TNKS2: variants seen among roughly 807,000 people sequenced by gnomAD.
TNKS2 encodes the protein poly [ADP-ribose] polymerase tankyrase-2.
Under a neutral mutation model 137.6 loss-of-function variants are expected in TNKS2, and 72 were observed. The ratio of observed to expected loss-of-function variants is 0.52; its 90% CI spans 0.43 to 0.64. TNKS2 has a LOEUF of 0.64. Ranked by LOEUF, TNKS2 falls within the 30% of genes least tolerant of loss-of-function variation. TNKS2 has a pLI of 0.00. For missense variants in TNKS2, 1,049 were observed against 1,410.2 expected, an observed-to-expected ratio of 0.74 and a Z score of 4.10; for synonymous variants, 516 against 512.1, an observed-to-expected ratio of 1.01 and a Z score of -0.10.
At chr10:91,833,010 C>T (rs1841869934) in intron 11 of TNKS2, among the ~76,000 whole-genome samples, 1 of 152,070 alleles carries the variant, frequency 6.6e-6, no homozygotes, top group African/African-American at 2.4e-5. Context: ...TAAATACTTC[C>T]ACATGCACAT....
At position 91,801,714 on chromosome 10, in the gene TNKS2, C is replaced by T. The variant is rs564508758; in HGVS notation, c.199+2825C>T. 4.0e-3 allele frequency among the ~76,000 whole-genome samples: 609 copies of T among 152,232 alleles called. 5 individuals carry two copies. The highest frequency in any genetic ancestry group is 0.013 in the African/African-American group (554 of 41,524). Reference sequence around the variant, plus strand: ...GTCTCAAACTCCTGATCTCGTGATCCGCCTGCCTCGGCCTCCCAAAGTGCT... The same window carrying T: ...GTCTCAAACTCCTGATCTCGTGATCTGCCTGCCTCGGCCTCCCAAAGTGCT... On this transcript the variant is annotated intron_variant, in intron 1 of 26. Transcript: ENST00000371627.
intron 13 of TNKS2, among the ~76,000 whole-genome samples, chr10:91,838,036 A>ATTTTTT (rs71025367): frequency 2.5e-4 from 13 of 51,232 alleles, no homozygotes; most frequent in East Asian, 1.6e-3. Flanking sequence ...CAATTAGCTG[A>ATTTTTT]TTTTTTTTTT....
intron 1 of TNKS2, among the ~76,000 whole-genome samples, chr10:91,804,761 G>A (rs889039170): frequency 1.3e-5 from 2 of 152,098 alleles, no homozygotes; most frequent in East Asian, 1.9e-4. Context: ...TTTTTTGGGG[G>A]TTGTGGGGGT....
At chr10:91,816,906 A>T (rs1447892428) in intron 2 of TNKS2, among the ~76,000 whole-genome samples, 1 of 152,202 alleles carries the variant, frequency 6.6e-6, no homozygotes, top group Non-Finnish European at 1.5e-5. Flanking sequence ...GAAAATCTGC[A>T]TTGAACTGAG....
At chr10:91,844,204 C>T (rs1772185) in intron 16 of TNKS2, among the ~76,000 whole-genome samples, 106,351 of 152,150 alleles carry the variant, frequency 0.7, 38,366 homozygotes, top group East Asian at 0.91. Context: ...ACTTCTGCAG[C>T]GTTAAATACC....
Position 91,822,278 on chromosome 10 carries a change from C to T in TNKS2, c.729-18C>T. On this transcript the variant is annotated intron_variant, in intron 6 of 26. Coordinates refer to ENST00000371627, the MANE Select transcript of TNKS2 (RefSeq NM_025235.4). Reference sequence around the variant, plus strand: ...AAATCTATACTGAAACAGGATTTTCCCCCCCTTCTCATTGTAGTGATCTGG... The same window carrying T: ...AAATCTATACTGAAACAGGATTTTCTCCCCCTTCTCATTGTAGTGATCTGG... 2.5e-6 allele frequency: 4 copies of T among 1,594,928 alleles called. No homozygotes were observed. The highest frequency in any genetic ancestry group is 1.2e-5 in the South Asian group (1 of 86,428).
chr10:91,856,083 C>G (rs1337163830), intron 23 of TNKS2, among the ~76,000 whole-genome samples: 1 of 152,058 alleles, frequency 6.6e-6, no homozygotes, highest in African/African-American at 2.4e-5. Flanking sequence ...CTACAGGTTT[C>G]TGAAAGTCCC....
intron 1 of TNKS2, among the ~76,000 whole-genome samples, chr10:91,810,879 T>G (rs1324547623): frequency 7.4e-6 from 1 of 134,872 alleles, no homozygotes. Context: ...GGAGCATTTG[T>G]TTATTCTTTT....
At chr10:91,847,717 C>T (rs1842420169) in intron 18 of TNKS2, among the ~76,000 whole-genome samples, 1 of 152,164 alleles carries the variant, frequency 6.6e-6, no homozygotes, top group Admixed American at 6.5e-5. Context: ...AAAAAACTTT[C>T]AGTTTTAAGG....
At chr10:91,854,104 A>T (rs1842633876) in intron 21 of TNKS2, among the ~76,000 whole-genome samples, 1 of 151,670 alleles carries the variant, frequency 6.6e-6, no homozygotes, top group Non-Finnish European at 1.5e-5. Context: ...CTATTATGGG[A>T]CAGAATATAC....
chr10:91,835,276 C>CTTTTTTTTCTTTT (rs1554838003), intron 12 of TNKS2, among the ~76,000 whole-genome samples: 41 of 141,394 alleles, frequency 2.9e-4, no homozygotes, highest in African/African-American at 9.5e-4. Flanking sequence ...GCCCATTTCT[C>CTTTTTTTTCTTTT]TTTTTTTTCT....
rs757241279 is a variant in TNKS2, at chr10:91,855,176, C to G, written c.2913+50C>G. 18 of 1,103,372 alleles carry G rather than the reference C, an allele frequency of 1.6e-5. No homozygotes were observed. The Middle Eastern group carries it at 6.0e-4, about 37-fold the overall frequency. 68.3% of individuals were successfully genotyped at this position (1,103,372 alleles called of 1,614,324 possible). A position where few individuals can be genotyped will look rare whatever the true frequency, so the allele number is the denominator to read the frequency against. ...AGGTTTGCCGTATATATTTAGTTCA[C>G]TTTGTATCCTCTTGTTTCTTTTTCT... On this transcript the variant is annotated intron_variant, in intron 22 of 26. Transcript: ENST00000371627.
chr10:91,847,338 A>G (rs1842405791), intron 18 of TNKS2, among the ~76,000 whole-genome samples: 3 of 152,098 alleles, frequency 2.0e-5, no homozygotes. Flanking sequence ...ACTTTTTTCC[A>G]TTCTAGCAGA....
intron 15 of TNKS2, among the ~76,000 whole-genome samples, 186 bp downstream of exon 15, chr10:91,841,634 C>T (rs1842212746): frequency 6.6e-6 from 1 of 152,026 alleles, no homozygotes; most frequent in Non-Finnish European, 1.5e-5. Flanking sequence ...TGTTTACTAG[C>T]ACCTAGAGTT....
chr10:91,859,001 T>G (rs1161233582), intron 24 of TNKS2, among the ~76,000 whole-genome samples: 2 of 151,718 alleles, frequency 1.3e-5, no homozygotes, highest in Admixed American at 1.3e-4. Context: ...AGAGCGAGAC[T>G]ACATCTCAAA....
rs972323328 is a variant in TNKS2 at position 91,798,870 on chromosome 10, C to G, written c.180C>G (p.Thr60=). The change falls in exon 1 of 27, where the codon ACC becomes ACG. Residue 60 remains threonine (T), a synonymous_variant. Transcript: ENST00000371627. ...NSRDTAGRKS[T]PLHFAAGFGR... ...GCGACACGGCGGGCAGGAAATCCAC[C>G]CCGCTGCACTTCGCCGCAGGTAACC... 5 of 1,364,540 alleles carry G rather than the reference C, an allele frequency of 3.7e-6. No homozygotes were observed. The highest frequency in any genetic ancestry group is 3.8e-6 in the Non-Finnish European group (4 of 1,050,398). 84.5% of individuals were successfully genotyped at this position (1,364,540 alleles called of 1,614,324 possible). A position where few individuals can be genotyped will look rare whatever the true frequency, so the allele number is the denominator to read the frequency against.
chr10:91,819,442 A>G, intron 4 of TNKS2, 40 bp from the exon 5 acceptor site: 1 of 1,518,560 alleles, frequency 6.6e-7, no homozygotes, highest in Non-Finnish European at 8.9e-7. Context: ...GGAACATCTG[A>G]TGAAGAATGC....
At chr10:91,811,688 G>C (rs982059167) in intron 1 of TNKS2, among the ~76,000 whole-genome samples, 1 of 152,120 alleles carries the variant, frequency 6.6e-6, no homozygotes, top group Non-Finnish European at 1.5e-5. Flanking sequence ...ACCTTAGAAA[G>C]ACTGTACCAT....
intron 11 of TNKS2, among the ~76,000 whole-genome samples, chr10:91,833,147 G>T (rs1352813528): frequency 6.6e-6 from 1 of 152,188 alleles, no homozygotes; most frequent in Non-Finnish European, 1.5e-5. Context: ...CAAAACTCCT[G>T]TAGAGATATA....
Sources: allele counts gnomAD v4.1 joint callset (sites outside exome capture counted in the v4.1 genomes callset), GRCh38; gene constraint gnomAD v4.1.1; transcripts MANE v1.5; gene names NCBI Gene and HGNC (gene_info 2026-07-23, HGNC 2026-07-21).